DNAL1: variants seen among roughly 807,000 people sequenced by gnomAD.
DNAL1 encodes the protein chromosome 14 open reading frame 168.
A neutral mutation model predicts 29.4 loss-of-function variants in DNAL1; 17 were observed. That is an observed-to-expected ratio of 0.58 (90% CI 0.40 to 0.87). The LOEUF (loss-of-function observed/expected upper bound fraction) is 0.87, where lower values mean the gene tolerates loss of function less well. DNAL1 is among the 40% of genes least tolerant of loss of function. DNAL1 has a pLI of 0.00. For missense variants in DNAL1, 188 were observed against 214.1 expected, an observed-to-expected ratio of 0.88 and a Z score of 0.76; for synonymous variants, 78 against 76.3, an observed-to-expected ratio of 1.02 and a Z score of -0.12.
chr14:73,679,685 G>A (rs896093124), intron 5 of DNAL1, among the ~76,000 whole-genome samples: 1 of 152,004 alleles, frequency 6.6e-6, no homozygotes, highest in East Asian at 1.9e-4. Flanking sequence ...TACCTTATTC[G>A]TGGTTACCAA....
chr14:73,682,883 T>A (rs796870931), intron 5 of DNAL1, among the ~76,000 whole-genome samples: 98 of 149,682 alleles, frequency 6.5e-4, no homozygotes, highest in African/African-American at 1.8e-3. Flanking sequence ...TTTTTTTTTT[T>A]TTTTTTTTTT....
intron 3 of DNAL1, among the ~76,000 whole-genome samples, chr14:73,659,230 C>T (rs1388123217): frequency 1.2e-4 from 18 of 149,886 alleles, no homozygotes; most frequent in Non-Finnish European, 1.9e-4. Context: ...GGCATGATCT[C>T]GGCTCACTGC....
intron 4 of DNAL1, among the ~76,000 whole-genome samples, chr14:73,662,695 A>G (rs1469510995): frequency 1.3e-5 from 2 of 152,056 alleles, no homozygotes; most frequent in Non-Finnish European, 2.9e-5. Flanking sequence ...TTCTGTGTCA[A>G]ATCTCTGTCT....
At chr14:73,694,821 A>G (rs553800096) in intron 7 of DNAL1, among the ~76,000 whole-genome samples, 1 of 150,386 alleles carries the variant, frequency 6.6e-6, no homozygotes, top group East Asian at 2.0e-4. Context: ...TTCTGAGTAG[A>G]TGGGATTACA....
chr14:73,689,541 C>T (rs942407437), intron 7 of DNAL1, 26 bp downstream of exon 7: 1 of 1,580,764 alleles, frequency 6.3e-7, no homozygotes, highest in African/African-American at 1.3e-5. Flanking sequence ...CTGGCTTAGA[C>T]ATATCTTCTA....
intron 1 of DNAL1, among the ~76,000 whole-genome samples, chr14:73,646,001 C>T (rs963566192): frequency 1.3e-5 from 2 of 152,156 alleles, no homozygotes; most frequent in African/African-American, 4.8e-5. Flanking sequence ...AGAAATTGAG[C>T]CCAGGAGATG....
chr14:73,679,045 G>A (rs559420396), intron 5 of DNAL1, among the ~76,000 whole-genome samples: 1 of 152,270 alleles, frequency 6.6e-6, no homozygotes, highest in African/African-American at 2.4e-5. Context: ...CCCCCAGGCT[G>A]GAGTGCAGTG....
At chr14:73,663,842 T>A (rs1891413209) in intron 4 of DNAL1, among the ~76,000 whole-genome samples, 1 of 152,232 alleles carries the variant, frequency 6.6e-6, no homozygotes, top group Non-Finnish European at 1.5e-5. Flanking sequence ...TCAAAAACTT[T>A]TATAAGAAAC....
intron 4 of DNAL1, among the ~76,000 whole-genome samples, chr14:73,669,984 T>TACACACAC (rs35574600): frequency 6.6e-6 from 1 of 150,844 alleles, no homozygotes; most frequent in African/African-American, 2.4e-5. Context: ...CACACACACA[T>TACACACAC]ACACACACAC....
Position 73,687,160 on chromosome 14 carries a change from C to CT in DNAL1, c.265-98dup, listed in dbSNP as rs1595223999. ...TCTTCTACAAGTAGACAGGCAGGGT[C>CT]TAAGTTCACTTTGGAAGCCATTATG... On this transcript the variant is annotated intron_variant, in intron 5 of 7. Transcript: ENST00000553645. The CT allele has an allele frequency of 2.7e-6, 4 of 1,455,576 alleles. No individual in the cohort carries two copies. The East Asian group carries it at 9.4e-5, about 34-fold the overall frequency. 90.2% of individuals were successfully genotyped at this position (1,455,576 alleles called of 1,614,324 possible).
At chr14:73,664,754 C>T (rs1029879156) in intron 4 of DNAL1, among the ~76,000 whole-genome samples, 3 of 151,794 alleles carry the variant, frequency 2.0e-5, no homozygotes, top group Non-Finnish European at 4.4e-5. Context: ...GCCTGTAGTC[C>T]CAGCTACTTA....
Position 73,702,115 on chromosome 14 carries a change from G to A in DNAL1, c.*6173G>A, listed in dbSNP as rs985708996. 1 of 151,788 alleles carries A rather than the reference G, an allele frequency of 6.6e-6. No homozygotes were observed. The highest frequency in any genetic ancestry group is 1.5e-5 in the Non-Finnish European group (1 of 67,992). 9.4% of individuals were successfully genotyped at this position (151,788 alleles called of 1,614,324 possible). On this transcript the variant is annotated 3_prime_UTR_variant, in exon 8 of 8. Coordinates refer to ENST00000553645, the MANE Select transcript of DNAL1 (RefSeq NM_031427.4). ...TGTGTGTGTGTGTGTGCACGTGCAT[G>A]AGAGAGAGTGAAAGAGAGAGGTGTT...
intron 2 of DNAL1, among the ~76,000 whole-genome samples, chr14:73,655,905 A>C (rs761525255): frequency 6.6e-6 from 1 of 152,208 alleles, no homozygotes; most frequent in Non-Finnish European, 1.5e-5. Flanking sequence ...TCAGTATTAT[A>C]TAACATTCTA....
At chr14:73,668,989 T>C (rs192960750) in intron 4 of DNAL1, among the ~76,000 whole-genome samples, 118 of 152,240 alleles carry the variant, frequency 7.8e-4, no homozygotes, top group Admixed American at 6.9e-3. Context: ...TCCCTCTCTC[T>C]GTACATGTTC....
At chr14:73,693,186 T>G (rs1443296076) in intron 7 of DNAL1, among the ~76,000 whole-genome samples, 1 of 152,118 alleles carries the variant, frequency 6.6e-6, no homozygotes, top group South Asian at 2.1e-4. Flanking sequence ...CAATACCAAA[T>G]GCTAGTGAGG....
rs551952867 is a variant in DNAL1 at position 73,676,386 on chromosome 14, T to A, written c.264+4789T>A. ...ACCAGCTCCATGAAGTAACAAAAAT[T>A]TTATTGTTTTGTGCACTTTAAAATA... On this transcript the variant is annotated intron_variant, in intron 5 of 7. Coordinates refer to ENST00000553645, the MANE Select transcript of DNAL1 (RefSeq NM_031427.4). 3.0e-3 allele frequency among the ~76,000 whole-genome samples: 459 copies of A among 152,268 alleles called. 3 individuals carry two copies. Among genetic ancestry groups the A allele is most frequent in the South Asian group, 8.1e-3 (39 of 4,822 alleles).
chr14:73,661,867 A>G (rs1342150325), intron 3 of DNAL1, 120 bp from the exon 4 acceptor site: 2 of 615,248 alleles, frequency 3.3e-6, no homozygotes, highest in Non-Finnish European at 5.6e-6. Flanking sequence ...AATAAATGCT[A>G]TGATTGAGTG....
intron 1 of DNAL1, among the ~76,000 whole-genome samples, chr14:73,650,974 T>C (rs1384888619): frequency 6.8e-6 from 1 of 147,284 alleles, no homozygotes; most frequent in African/African-American, 2.7e-5. Context: ...TGTAGAACTT[T>C]ATCAAGTACT....
At chr14:73,663,371 A>G (rs1291060745) in intron 4 of DNAL1, among the ~76,000 whole-genome samples, 3 of 151,678 alleles carry the variant, frequency 2.0e-5, no homozygotes, top group African/African-American at 7.3e-5. Flanking sequence ...ACGCCTGGCT[A>G]ATTTTTGTAT....
Sources: allele counts gnomAD v4.1 joint callset (sites outside exome capture counted in the v4.1 genomes callset), GRCh38; gene constraint gnomAD v4.1.1; transcripts MANE v1.5; gene names NCBI Gene and HGNC (gene_info 2026-07-23, HGNC 2026-07-21).